YWHAE: variants seen among roughly 807,000 people sequenced by gnomAD.
YWHAE encodes 14-3-3 protein epsilon.
Under a neutral mutation model 30.1 loss-of-function variants are expected in YWHAE, and 4 were observed. That is an observed-to-expected ratio of 0.13 (90% CI 0.07 to 0.30). The LOEUF is 0.30. YWHAE is among the 10% of genes least tolerant of loss of function. The pLI is 1.00. For synonymous variants in YWHAE, 118 were observed against 111.8 expected, an observed-to-expected ratio of 1.06 and a Z score of -0.35; for missense variants, 121 against 315.9, an observed-to-expected ratio of 0.38 and a Z score of 4.68.
chr17:1,347,828 G>A (rs769423922), intron 5 of YWHAE: 15 of 363,070 alleles, frequency 4.1e-5, no homozygotes, highest in Admixed American at 6.4e-5. Flanking sequence ...GGAGCAGGCC[G>A]GAAAAGGCTT....
chr17:1,378,242 T>C (rs533392610), intron 1 of YWHAE, among the ~76,000 whole-genome samples: 12 of 152,308 alleles, frequency 7.9e-5, no homozygotes, highest in African/African-American at 2.4e-4. Context: ...TCTGACCCCA[T>C]GAAATAACTG....
intron 1 of YWHAE, 69 bp downstream of exon 1, chr17:1,399,978 G>A (rs1033862442): frequency 2.3e-5 from 36 of 1,591,688 alleles, no homozygotes; most frequent in Non-Finnish European, 2.9e-5. Context: ...TTTGTCTCCT[G>A]TTCCCGGCCT....
chr17:1,354,812 G>A (rs112682342), intron 4 of YWHAE, among the ~76,000 whole-genome samples: 2,909 of 151,742 alleles, frequency 0.019, 45 homozygotes, highest in African/African-American at 0.048. Context: ...ACAGGCGCCC[G>A]CCACCACACC....
At chr17:1,395,747 A>C (rs2073460536) in intron 1 of YWHAE, among the ~76,000 whole-genome samples, 1 of 152,214 alleles carries the variant, frequency 6.6e-6, no homozygotes, top group South Asian at 2.1e-4. Flanking sequence ...TAAAAAGTTC[A>C]TTCCACACAT....
chr17:1,354,443 G>C (rs997402168), intron 4 of YWHAE, 96 bp from the exon 5 acceptor site: 1 of 1,215,656 alleles, frequency 8.2e-7, no homozygotes, highest in Non-Finnish European at 1.1e-6. Context: ...AGTTATTCCA[G>C]TTTGTAATAG....
chr17:1,352,995 T>C (rs1598226118), intron 5 of YWHAE, among the ~76,000 whole-genome samples: 1 of 152,282 alleles, frequency 6.6e-6, no homozygotes, highest in East Asian at 1.9e-4. Flanking sequence ...TGGATCAAAA[T>C]GATTCTCTAG....
At chr17:1,392,602 C>G (rs1025752443) in intron 1 of YWHAE, among the ~76,000 whole-genome samples, 41 of 152,206 alleles carry the variant, frequency 2.7e-4, no homozygotes, top group African/African-American at 9.9e-4. Flanking sequence ...ATAATCCCAG[C>G]ATTTTGGGAG....
intron 1 of YWHAE, among the ~76,000 whole-genome samples, chr17:1,377,910 A>T (rs1201999368): frequency 6.6e-6 from 1 of 152,152 alleles, no homozygotes; most frequent in East Asian, 1.9e-4. Context: ...TTAGCTGGGC[A>T]TGGTGGCGGG....
chr17:1,382,200 C>G (rs906061453), intron 1 of YWHAE, among the ~76,000 whole-genome samples: 2 of 151,788 alleles, frequency 1.3e-5, no homozygotes, highest in African/African-American at 2.4e-5. Context: ...AGGCGCCCAC[C>G]ACCATGCCCG....
intron 1 of YWHAE, among the ~76,000 whole-genome samples, chr17:1,388,388 C>T (rs941293256): frequency 4.6e-5 from 7 of 151,736 alleles, no homozygotes; most frequent in East Asian, 3.9e-4. Flanking sequence ...TGGTGGCAGG[C>T]GCCTGTAGTA....
intron 1 of YWHAE, among the ~76,000 whole-genome samples, chr17:1,373,862 A>G (rs2073083600): frequency 6.6e-6 from 1 of 152,120 alleles, no homozygotes; most frequent in Admixed American, 6.6e-5. Context: ...GAACAGAGCC[A>G]TACAGTATGG....
At chr17:1,345,826 G>C (rs2072508209) in intron 5 of YWHAE, among the ~76,000 whole-genome samples, 1 of 151,978 alleles carries the variant, frequency 6.6e-6, no homozygotes, top group Admixed American at 6.6e-5. Flanking sequence ...ATAAATCTTG[G>C]GTCAAAATAC....
At chr17:1,391,026 T>C (rs1342221591) in intron 1 of YWHAE, among the ~76,000 whole-genome samples, 5 of 152,184 alleles carry the variant, frequency 3.3e-5, no homozygotes, top group South Asian at 2.1e-4. Context: ...ATAAAATGTA[T>C]GTAGGGAAAG....
chr17:1,387,561 A>C (rs1346991003), intron 1 of YWHAE, among the ~76,000 whole-genome samples: 1 of 152,078 alleles, frequency 6.6e-6, no homozygotes, highest in Non-Finnish European at 1.5e-5. Context: ...CTTTACATTC[A>C]GATTTTTAAG....
intron 1 of YWHAE, among the ~76,000 whole-genome samples, chr17:1,387,691 G>A (rs374425338): frequency 1.1e-4 from 16 of 152,104 alleles, no homozygotes; most frequent in Admixed American, 5.9e-4. Context: ...CCACAATCTC[G>A]GCATTCTGCA....
chr17:1,359,568 C>T (rs952119334), intron 4 of YWHAE, among the ~76,000 whole-genome samples: 3 of 151,616 alleles, frequency 2.0e-5, no homozygotes, highest in Admixed American at 2.0e-4. Context: ...AAAAACATTA[C>T]GCTAGATGAA....
chr17:1,388,114 G>T (rs77432601), intron 1 of YWHAE, among the ~76,000 whole-genome samples: 9,107 of 39,494 alleles, frequency 0.23, 1,058 homozygotes, highest in Non-Finnish European at 0.28. Context: ...TTTTTTTTTG[G>T]TTGGTTTTTT....
chr17:1,371,242 C>A (rs2073038327), intron 1 of YWHAE, among the ~76,000 whole-genome samples: 1 of 152,040 alleles, frequency 6.6e-6, no homozygotes, highest in African/African-American at 2.4e-5. Flanking sequence ...GCCATTACGC[C>A]CAGCTAATTT....
chr17:1,372,083 C>A (rs1484003876), intron 1 of YWHAE, among the ~76,000 whole-genome samples: 3 of 152,220 alleles, frequency 2.0e-5, no homozygotes, highest in Non-Finnish European at 2.9e-5. Flanking sequence ...CGTGATCCGT[C>A]CGCCTCGGCC....
Sources: allele counts gnomAD v4.1 joint callset (sites outside exome capture counted in the v4.1 genomes callset), GRCh38; gene constraint gnomAD v4.1.1; transcripts MANE v1.5; gene names NCBI Gene and HGNC (gene_info 2026-07-23, HGNC 2026-07-21).